Variants in SLIT1 observed in about 807,000 individuals in gnomAD.
The protein encoded by SLIT1 is slit guidance ligand 1.
A neutral mutation model predicts 186.1 loss-of-function variants in SLIT1; 66 were observed. The ratio of observed to expected loss-of-function variants is 0.35; its 90% CI spans 0.29 to 0.44. SLIT1 has a LOEUF of 0.44. Ranked by LOEUF, SLIT1 falls within the 20% of genes least tolerant of loss-of-function variation. The pLI is 1.00. For synonymous variants in SLIT1, 761 were observed against 833.8 expected, an observed-to-expected ratio of 0.91 and a Z score of 1.50; for missense variants, 1,638 against 2,037.4, an observed-to-expected ratio of 0.80 and a Z score of 3.77.
chr10:97,067,598 C>T (rs1046946857), intron 4 of SLIT1, among the ~76,000 whole-genome samples: 1 of 152,186 alleles, frequency 6.6e-6, no homozygotes, highest in East Asian at 1.9e-4. Context: ...GTCCCAGAGC[C>T]CTGGCTTGTG....
chr10:97,161,556 C>T (rs1850026514), intron 3 of SLIT1, among the ~76,000 whole-genome samples: 1 of 152,228 alleles, frequency 6.6e-6, no homozygotes, highest in Non-Finnish European at 1.5e-5. Context: ...GCGGGCGGAT[C>T]ACCTGAGGTC....
chr10:97,158,677 G>T (rs1293214639), intron 3 of SLIT1, among the ~76,000 whole-genome samples: 3 of 102,786 alleles, frequency 2.9e-5, no homozygotes, highest in Non-Finnish European at 5.9e-5. Flanking sequence ...AAAAAAAAAA[G>T]AAAGAAAGAA....
intron 1 of SLIT1, among the ~76,000 whole-genome samples, chr10:97,172,365 T>C (rs939903307): frequency 2.0e-5 from 3 of 152,144 alleles, no homozygotes; most frequent in African/African-American, 7.2e-5. Flanking sequence ...TTATATTGAT[T>C]TGGGGGATTC....
intron 7 of SLIT1, 93 bp from the exon 8 acceptor site, chr10:97,063,711 G>A (rs1848916413): frequency 1.5e-6 from 2 of 1,374,368 alleles, no homozygotes; most frequent in Admixed American, 2.5e-5. Context: ...GCTGCCCCCG[G>A]TGCTGTGTTC....
intron 4 of SLIT1, chr10:97,152,961 C>A (rs1177781848): frequency 6.6e-6 from 1 of 152,150 alleles, no homozygotes; most frequent in Non-Finnish European, 1.5e-5. Flanking sequence ...CATCATGCCC[C>A]CAATGTTGGA....
intron 20 of SLIT1, among the ~76,000 whole-genome samples, chr10:97,041,690 T>A (rs937364867): frequency 6.6e-6 from 1 of 152,144 alleles, no homozygotes; most frequent in Non-Finnish European, 1.5e-5. Context: ...CAGGCTGGTC[T>A]TGAACTCCTG....
intron 1 of SLIT1, among the ~76,000 whole-genome samples, chr10:97,168,414 G>T (rs189700765): frequency 1.3e-5 from 2 of 152,124 alleles, no homozygotes; most frequent in Non-Finnish European, 2.9e-5. Context: ...TGCTGGAAAC[G>T]ATTTTTATAT....
intron 4 of SLIT1, among the ~76,000 whole-genome samples, chr10:97,144,800 G>A (rs899736355): frequency 2.6e-5 from 4 of 152,212 alleles, no homozygotes; most frequent in African/African-American, 9.6e-5. Flanking sequence ...GACAGGACAT[G>A]TCCACCTACC....
chr10:97,037,820 C>A, intron 21 of SLIT1, 54 bp from the exon 22 acceptor site: 1 of 1,469,104 alleles, frequency 6.8e-7, no homozygotes, highest in Non-Finnish European at 9.5e-7. Flanking sequence ...GGTGGTGCCC[C>A]ATGCTGGGGA....
chr10:97,129,379 G>A (rs1849632627), intron 4 of SLIT1, among the ~76,000 whole-genome samples: 1 of 78,210 alleles, frequency 1.3e-5, no homozygotes, highest in Non-Finnish European at 3.3e-5. Context: ...GCAGGACTGT[G>A]TCTCAAAAAA....
intron 4 of SLIT1, among the ~76,000 whole-genome samples, chr10:97,071,995 T>C (rs1209203781): frequency 6.6e-6 from 1 of 152,152 alleles, no homozygotes; most frequent in East Asian, 1.9e-4. Context: ...AGACTCCAGG[T>C]AGGCCCAGTC....
intron 4 of SLIT1, among the ~76,000 whole-genome samples, chr10:97,118,959 A>G (rs1203737297): frequency 6.6e-6 from 1 of 152,234 alleles, no homozygotes; most frequent in East Asian, 1.9e-4. Flanking sequence ...AAACGGAAAT[A>G]CATCCCTGCT....
chr10:97,086,172 T>C (rs1466711674), intron 4 of SLIT1, among the ~76,000 whole-genome samples: 1 of 152,256 alleles, frequency 6.6e-6, no homozygotes, highest in Non-Finnish European at 1.5e-5. Flanking sequence ...GGCAGCTTTA[T>C]TCCTAACTGC....
At chr10:97,164,367 T>A (rs2134727658) in intron 2 of SLIT1, among the ~76,000 whole-genome samples, 1 of 152,088 alleles carries the variant, frequency 6.6e-6, no homozygotes, top group African/African-American at 2.4e-5. Flanking sequence ...GCTGGAGGCC[T>A]GGGGGCAGAG....
rs1283710320 is a variant in SLIT1 at position 97,166,557 on chromosome 10, A to AGGAAGGAAAGAGAGAGAG, written c.198-1668_198-1667insCTCTCTCTCTTTCCTTCC. ...AAGGAAGGAAGGAAGGAAGGAAGGA[A>AGGAAGGAAAGAGAGAGAG]AGAGAGAGAGAGAGAAAGAAAGAAA... is the stretch of plus-strand genomic sequence containing the variant. On this transcript the variant is annotated intron_variant, in intron 1 of 36. Coordinates refer to ENST00000266058, the MANE Select transcript of SLIT1 (RefSeq NM_003061.3). Among the ~76,000 whole-genome samples the AGGAAGGAAAGAGAGAGAG allele has an allele frequency of 2.4e-3, 131 of 55,136 alleles. 1 individual carries two copies. Among genetic ancestry groups the AGGAAGGAAAGAGAGAGAG allele is most frequent in the Admixed American group, 6.0e-3 (25 of 4,142 alleles). 36.2% of individuals were successfully genotyped at this position (55,136 alleles called of 152,430 possible).
intron 4 of SLIT1, among the ~76,000 whole-genome samples, chr10:97,111,033 T>C (rs1849459422): frequency 6.6e-6 from 1 of 151,816 alleles, no homozygotes; most frequent in Admixed American, 6.6e-5. Flanking sequence ...CTACTAAAAA[T>C]ACAAAAATTA....
chr10:97,095,551 C>T (rs759831918), intron 4 of SLIT1, among the ~76,000 whole-genome samples: 4 of 152,140 alleles, frequency 2.6e-5, no homozygotes, highest in African/African-American at 9.7e-5. Flanking sequence ...GACTGAATCC[C>T]GTGCCAGGGA....
intron 4 of SLIT1, among the ~76,000 whole-genome samples, chr10:97,098,950 T>C (rs1311015165): frequency 6.6e-6 from 1 of 152,140 alleles, no homozygotes; most frequent in Non-Finnish European, 1.5e-5. Context: ...CAGCCCCTCC[T>C]GTCCCCAGTT....
chr10:97,166,453 T>C (rs1589418976), intron 1 of SLIT1, among the ~76,000 whole-genome samples: 1 of 146,170 alleles, frequency 6.8e-6, no homozygotes, highest in Non-Finnish European at 1.5e-5. Flanking sequence ...GAGGTGGAGG[T>C]TGAAGTGAGC....
Sources: allele counts gnomAD v4.1 joint callset (sites outside exome capture counted in the v4.1 genomes callset), GRCh38; gene constraint gnomAD v4.1.1; transcripts MANE v1.5; gene names NCBI Gene and HGNC (gene_info 2026-07-23, HGNC 2026-07-21).